Variants in HOXB3 observed in about 807,000 individuals in gnomAD.
HOXB3 encodes the protein homeobox protein Hox-B3.
A neutral mutation model predicts 29.2 loss-of-function variants in HOXB3; 17 were observed. That is an observed-to-expected ratio of 0.58 (90% CI 0.40 to 0.87). The LOEUF (loss-of-function observed/expected upper bound fraction) is 0.87, where lower values mean the gene tolerates loss of function less well. HOXB3 is among the 40% of genes least tolerant of loss of function. HOXB3 has a pLI of 0.00. For missense variants in HOXB3, 637 were observed against 616.3 expected, an observed-to-expected ratio of 1.03 and a Z score of -0.35; for synonymous variants, 317 against 285.9, an observed-to-expected ratio of 1.11 and a Z score of -1.10.
rs2068906374 is a variant in HOXB3, at chr17:48,554,995, C to T, written c.-159+536G>A. On this transcript the variant is annotated intron_variant, in intron 3 of 4. Transcript: ENST00000498678. The surrounding 1 kb of genome is among the most constrained non-coding windows in gnomAD (Gnocchi z 4.1). ...AAAATTCAGGTTCCATATGGCTCCT[C>T]GGGAGGGAGGGAGGGAGACGGTGGC... 6.7e-6 allele frequency among the ~76,000 whole-genome samples: 1 copy of T among 148,496 alleles called. No homozygotes were observed.
At chr17:48,555,459 A>G (rs1407201077) in intron 3 of HOXB3, 72 bp downstream of exon 3, 5 of 701,370 alleles carry the variant, frequency 7.1e-6, no homozygotes, top group Non-Finnish European at 1.3e-5. Flanking sequence ...GATTGGAGTC[A>G]TATGGGCCAT....
At chr17:48,578,096 G>T in intron 1 of HOXB3, 2 of 1,152,070 alleles carry the variant, frequency 1.7e-6, no homozygotes, top group Non-Finnish European at 2.2e-6. Flanking sequence ...TGGCGGAGGC[G>T]GCGGGGGCCC....
chr17:48,567,311 G>A (rs2069421805), intron 2 of HOXB3, among the ~76,000 whole-genome samples: 1 of 152,180 alleles, frequency 6.6e-6, no homozygotes, highest in Non-Finnish European at 1.5e-5. Flanking sequence ...TTAACACCTG[G>A]GCGCGGCGTT....
At chr17:48,576,781 C>T (rs1416654859) in intron 1 of HOXB3, 1 of 1,614,106 alleles carries the variant, frequency 6.2e-7, no homozygotes, top group South Asian at 1.1e-5. Flanking sequence ...GAGCCTGCCG[C>T]ACCACCCGAG....
At chr17:48,589,434 C>G (rs1014345134) in intron 1 of HOXB3, among the ~76,000 whole-genome samples, 100 of 152,278 alleles carry the variant, frequency 6.6e-4, no homozygotes, top group Non-Finnish European at 2.2e-4. Context: ...CTGTCTGCTC[C>G]CTAGTCTGAC....
intron 1 of HOXB3, among the ~76,000 whole-genome samples, chr17:48,588,791 A>C (rs1476867290): frequency 6.6e-6 from 1 of 152,226 alleles, no homozygotes; most frequent in African/African-American, 2.4e-5. Context: ...AGGCTTGGGC[A>C]GTGGATAGAG....
At chr17:48,562,712 C>T (rs1005827579) in intron 2 of HOXB3, among the ~76,000 whole-genome samples, 7 of 152,112 alleles carry the variant, frequency 4.6e-5, no homozygotes, top group African/African-American at 1.2e-4. Context: ...TTCATTGGTG[C>T]GGGGCCCAAG....
At position 48,589,417 on chromosome 17, in the gene HOXB3, G is replaced by A. The variant is rs1343899572; in HGVS notation, c.-425+708C>T. Among the ~76,000 whole-genome samples, 8 of 152,168 alleles carry A rather than the reference G, an allele frequency of 5.3e-5. No homozygotes were observed. In the East Asian group the frequency reaches 1.4e-3, roughly 26 times the overall value. ...AATTAGGTTTTGAATTGGGGGAATTGCCCTCTCTGTCTGCTCCCTAGTCTG... is the reference window on the plus strand; with the variant it reads ...AATTAGGTTTTGAATTGGGGGAATTACCCTCTCTGTCTGCTCCCTAGTCTG... On this transcript the variant is annotated intron_variant, in intron 1 of 4. Transcript: ENST00000498678.
intron 2 of HOXB3, among the ~76,000 whole-genome samples, chr17:48,558,298 C>T (rs1424556727): frequency 6.6e-6 from 1 of 152,092 alleles, no homozygotes; most frequent in Non-Finnish European, 1.5e-5. Context: ...GCAGACCCCT[C>T]CCTTCCCCAA....
At chr17:48,566,700 T>G (rs1304649848) in intron 2 of HOXB3, among the ~76,000 whole-genome samples, 1 of 152,170 alleles carries the variant, frequency 6.6e-6, no homozygotes, top group African/African-American at 2.4e-5. Context: ...GATTCTACCC[T>G]CTTCCTTCTC....
chr17:48,551,614 G>C (rs1276506126), intron 4 of HOXB3, among the ~76,000 whole-genome samples: 1 of 152,252 alleles, frequency 6.6e-6, no homozygotes, highest in Non-Finnish European at 1.5e-5. Context: ...GGACACTCGT[G>C]GGCAGGAAGT....
At chr17:48,589,834 C>T (rs2070115985) in intron 1 of HOXB3, among the ~76,000 whole-genome samples, 1 of 152,130 alleles carries the variant, frequency 6.6e-6, no homozygotes. Flanking sequence ...ACCCCTCCTT[C>T]CTGGTCCCTA....
At chr17:48,566,911 C>A (rs565641882) in intron 2 of HOXB3, among the ~76,000 whole-genome samples, 1 of 152,338 alleles carries the variant, frequency 6.6e-6, no homozygotes, top group East Asian at 1.9e-4. Context: ...TTCTCCAACA[C>A]TCAAGGAGTG....
intron 2 of HOXB3, among the ~76,000 whole-genome samples, chr17:48,563,530 G>A (rs1490527975): frequency 6.6e-6 from 1 of 152,162 alleles, no homozygotes; most frequent in Non-Finnish European, 1.5e-5. Context: ...CCACCACACT[G>A]TGCGCCTGCA....
Position 48,551,086 on chromosome 17 carries a change from G to A in HOXB3, c.544C>T (p.Pro182Ser), listed in dbSNP as rs762232646. 10 of 1,503,624 alleles carry A rather than the reference G, an allele frequency of 6.7e-6. No individual in the cohort carries two copies. The highest frequency in any genetic ancestry group is 8.9e-6 in the Non-Finnish European group (10 of 1,121,932). 93.1% of individuals were successfully genotyped at this position (1,503,624 alleles called of 1,614,324 possible). Residue 182 changes from proline (P) to serine (S), a missense_variant, in exon 5 of 5, where the codon CCC (proline) becomes TCC (serine). Pro to Ser is a moderately conservative substitution (Grantham distance 74, BLOSUM62 -1). Transcript: ENST00000498678. ...GGGGGGGDKS[P>S]PGSAASKRAR... ...CGCTTGGACGCCGCCGACCCCGGGG[G>A]GCTCTTGTCCCCTCCCCCGCCGCCG... is the stretch of plus-strand genomic sequence containing the variant.
At chr17:48,582,199 C>A (rs34527992) in intron 1 of HOXB3, 28,793 of 152,486 alleles carry the variant, frequency 0.19, 2,758 homozygotes, top group African/African-American at 0.21. Context: ...ACCGAAGGCC[C>A]GAGCGGAGGC....
intron 1 of HOXB3, chr17:48,579,983 C>T (rs780013621): frequency 2.0e-6 from 1 of 503,212 alleles, no homozygotes; most frequent in Middle Eastern, 3.2e-4. Context: ...CTCCTACTTT[C>T]CGCGCCTTCT....
intron 2 of HOXB3, among the ~76,000 whole-genome samples, chr17:48,563,190 C>G (rs1368730939): frequency 2.0e-5 from 3 of 152,200 alleles, no homozygotes; most frequent in African/African-American, 7.2e-5. Context: ...AGGAGGCACA[C>G]AGGGAAAGGG....
Position 48,555,544 on chromosome 17 carries a change from G to T in HOXB3, c.-172C>A, listed in dbSNP as rs749158495. On this transcript the variant is annotated 5_prime_UTR_variant, in exon 3 of 5. Transcript: ENST00000498678. ...AGTCCAGCTTACCTTAGCCACCGACGAGGGGAGAACAGGCAGACATAATAT... is the reference window on the plus strand; with the variant it reads ...AGTCCAGCTTACCTTAGCCACCGACTAGGGGAGAACAGGCAGACATAATAT... 91 of 702,660 alleles carry T rather than the reference G, an allele frequency of 1.3e-4. No individual in the cohort carries two copies. Among genetic ancestry groups the T allele is most frequent in the Non-Finnish European group, 8.1e-5 (31 of 384,844 alleles). 43.5% of individuals were successfully genotyped at this position (702,660 alleles called of 1,614,324 possible).
Sources: allele counts gnomAD v4.1 joint callset (sites outside exome capture counted in the v4.1 genomes callset), GRCh38; gene constraint gnomAD v4.1.1; non-coding constraint Gnocchi (gnomAD v3.1); transcripts MANE v1.5; gene names NCBI Gene and HGNC (gene_info 2026-07-23, HGNC 2026-07-21).